The following SYNE2 variants were observed in gnomAD, a reference collection of about 807,000 sequenced individuals.
The protein encoded by SYNE2 is nesprin-2.
Under a neutral mutation model 856.3 loss-of-function variants are expected in SYNE2, and 431 were observed. That is an observed-to-expected ratio of 0.50 (90% confidence interval 0.47 to 0.55). The LOEUF (loss-of-function observed/expected upper bound fraction) is 0.55, where lower values mean the gene tolerates loss of function less well. Among genes scored for constraint, SYNE2 ranks in the 20% least tolerant of loss-of-function variants. SYNE2 has a pLI of 0.00. For missense variants in SYNE2, 8,129 were observed against 8,023.2 expected, an observed-to-expected ratio of 1.01 and a Z score of -0.50; for synonymous variants, 2,923 against 2,872.3, an observed-to-expected ratio of 1.02 and a Z score of -0.56.
At chr14:64,096,420 C>T (rs2097677611) in intron 61 of SYNE2, among the ~76,000 whole-genome samples, 1 of 152,204 alleles carries the variant, frequency 6.6e-6, no homozygotes. Flanking sequence ...ATCTGGACCT[C>T]ATGGACTGTG....
intron 31 of SYNE2, among the ~76,000 whole-genome samples, chr14:64,008,164 G>A (rs970507014): frequency 1.3e-5 from 2 of 152,158 alleles, no homozygotes; most frequent in African/African-American, 4.8e-5. Flanking sequence ...TCTGCCCTCT[G>A]TTCTGTCATC....
intron 45 of SYNE2, among the ~76,000 whole-genome samples, chr14:64,038,857 G>GGGGAGAGGGAGAGGGAGA (rs138345804): frequency 6.6e-6 from 1 of 151,458 alleles, no homozygotes; most frequent in Non-Finnish European, 1.5e-5. Flanking sequence ...GGGAGACCGT[G>GGGGAGAGGGAGAGGGAGA]GGGAGAGGGA....
intron 45 of SYNE2, among the ~76,000 whole-genome samples, chr14:64,035,213 C>T (rs1305697631): frequency 6.6e-6 from 1 of 151,834 alleles, no homozygotes; most frequent in Non-Finnish European, 1.5e-5. Flanking sequence ...GCAAAATGTG[C>T]AAAGCTCTAG....
At position 64,040,597 on chromosome 14, in the gene SYNE2, AAT is replaced by A. The variant is rs3031304; in HGVS notation, c.7222-7386_7222-7385del. Among the ~76,000 whole-genome samples, 482 of 142,516 alleles carry A rather than the reference AAT, an allele frequency of 3.4e-3. 10 individuals carry two copies. The South Asian group carries it at 0.056, about 17-fold the overall frequency. 93.5% of individuals were successfully genotyped at this position (142,516 alleles called of 152,430 possible). A position where few individuals can be genotyped will look rare whatever the true frequency, so the allele number is the denominator to read the frequency against. ...CCCCTACTGTAGAAGTGAGGTTAAA[AAT>A]ATATATATATATATATGTATATACA... On this transcript the variant is annotated intron_variant, in intron 45 of 115. Transcript: ENST00000555002.
At chr14:63,975,779 A>T (rs548857938) in intron 11 of SYNE2, among the ~76,000 whole-genome samples, 1 of 152,348 alleles carries the variant, frequency 6.6e-6, no homozygotes, top group East Asian at 1.9e-4. Flanking sequence ...AATGATGGGT[A>T]ACCATCACAT....
intron 1 of SYNE2, among the ~76,000 whole-genome samples, chr14:63,816,101 A>G (rs1393171815): frequency 6.6e-6 from 1 of 151,886 alleles, no homozygotes; most frequent in East Asian, 1.9e-4. Context: ...GGCAGGTGCC[A>G]CCACGCCCAG....
intron 98 of SYNE2, among the ~76,000 whole-genome samples, chr14:64,189,375 C>T (rs2098507166): frequency 6.6e-6 from 1 of 151,682 alleles, no homozygotes; most frequent in African/African-American, 2.4e-5. Flanking sequence ...GGGGAGAGGC[C>T]AACAGCAGTG....
intron 84 of SYNE2, among the ~76,000 whole-genome samples, chr14:64,148,811 C>T (rs1404276460): frequency 6.6e-6 from 1 of 152,064 alleles, no homozygotes; most frequent in Non-Finnish European, 1.5e-5. Context: ...CTCATCTGTC[C>T]ACGGGTCTGT....
chr14:64,114,858 C>A (rs1235882977), intron 66 of SYNE2, among the ~76,000 whole-genome samples: 2 of 152,002 alleles, frequency 1.3e-5, no homozygotes. Flanking sequence ...TGGGCTCAAG[C>A]GATCCACCCA....
At chr14:64,091,517 C>T (rs1417704608) in intron 60 of SYNE2, among the ~76,000 whole-genome samples, 1 of 152,196 alleles carries the variant, frequency 6.6e-6, no homozygotes, top group Non-Finnish European at 1.5e-5. Context: ...TGAAAGACCA[C>T]AGAGTTAACT....
rs767174141 is a variant in SYNE2 at position 64,051,634 on chromosome 14, T to C, written c.7721T>C (p.Leu2574Ser). 8.1e-6 allele frequency: 13 copies of C among 1,614,010 alleles called. No homozygotes were observed. Among genetic ancestry groups the C allele is most frequent in the Non-Finnish European group, 1.1e-5 (13 of 1,179,990 alleles). The change falls in exon 48 of 116, where the codon TTA becomes TCA. Residue 2574 changes from leucine (L) to serine (S), a missense_variant. Around this residue, in one of 3 missense-constraint regions of SYNE2, gnomAD observed 5,410 missense variants for 5,284.8 expected, o/e 1.02. Coordinates refer to ENST00000555002, the MANE Select transcript of SYNE2 (RefSeq NM_182914.3). Reference sequence around the variant, plus strand: ...TCCATAGAAAAAGAGAAAGATTCTTTAGGCAACTTGAAAATCAAATGGGAG... The same window carrying C: ...TCCATAGAAAAAGAGAAAGATTCTTCAGGCAACTTGAAAATCAAATGGGAG... Reference protein sequence around the residue: ...IASIEKEKDSLGNLKIKWENL... With the variant: ...IASIEKEKDSSGNLKIKWENL...
intron 64 of SYNE2, among the ~76,000 whole-genome samples, chr14:64,104,702 T>C (rs2097760084): frequency 6.6e-6 from 1 of 152,082 alleles, no homozygotes; most frequent in Non-Finnish European, 1.5e-5. Flanking sequence ...CCACCTGCCT[T>C]GGCCTCCCAA....
chr14:63,883,691 A>G (rs1323306662), intron 1 of SYNE2, among the ~76,000 whole-genome samples: 1 of 152,220 alleles, frequency 6.6e-6, no homozygotes, highest in African/African-American at 2.4e-5. Context: ...ATGCCTGTAA[A>G]TCAAGGCTAA....
chr14:64,186,299 A>G lies in SYNE2; in HGVS notation c.17557-125A>G. On this transcript the variant is annotated intron_variant, in intron 96 of 115. Transcript: ENST00000555002. ...TCGTCTTGGGCTGTTTCCCATTCAG[A>G]AGGTCCCTCCCTCTCTCCTGGCCTC... The G allele has an allele frequency of 1.6e-6, 2 of 1,256,566 alleles. 1 individual carries two copies. Among genetic ancestry groups the G allele is most frequent in the Admixed American group, 3.4e-5 (2 of 58,540 alleles). 77.8% of individuals were successfully genotyped at this position (1,256,566 alleles called of 1,614,324 possible).
At chr14:64,066,478 G>A (rs1229618085) in intron 51 of SYNE2, among the ~76,000 whole-genome samples, 2 of 152,148 alleles carry the variant, frequency 1.3e-5, no homozygotes, top group African/African-American at 4.8e-5. Flanking sequence ...ATTCCAGCCT[G>A]GGCAACAGAG....
At chr14:63,779,937 CG>C (rs1887248530) in intron 1 of SYNE2, among the ~76,000 whole-genome samples, 1 of 151,928 alleles carries the variant, frequency 6.6e-6, no homozygotes, top group African/African-American at 2.4e-5. Context: ...ATAAAATAAA[CG>C]GAATACAGAT....
chr14:63,970,969 T>G (rs1006972034), intron 11 of SYNE2, among the ~76,000 whole-genome samples: 3 of 151,990 alleles, frequency 2.0e-5, no homozygotes, highest in Non-Finnish European at 4.4e-5. Context: ...TCTCCCTTTT[T>G]TGCCTGGTTT....
In SYNE2 at chr14:64,119,512, A is replaced by G; in HGVS notation, c.12926A>G (p.Gln4309Arg). Reference protein sequence around the residue: ...DQGLGDNGATQHEAEALSLKL... With the variant: ...DQGLGDNGATRHEAEALSLKL... The stretch of plus-strand genomic sequence containing the variant: ...GGCCTGGGAGATAATGGAGCCACTC[A>G]ACATGAGGCTGAAGCGCTTTCCCTG... Residue 4309 changes from glutamine (Q) to arginine (R), a missense_variant, in exon 67 of 116, where the codon CAA (glutamine) becomes CGA (arginine). By Grantham distance (43) the Gln-to-Arg change is conservative. This residue lies in a region of SYNE2 where 5,410 missense variants were observed against 5,284.8 expected (regional missense o/e 1.02). Transcript: ENST00000555002. The G allele has an allele frequency of 6.2e-7, 1 of 1,614,230 alleles. No homozygotes were observed. Among genetic ancestry groups the G allele is most frequent in the Non-Finnish European group, 8.5e-7 (1 of 1,180,032 alleles).
At chr14:64,171,682 T>C (rs2098411561) in intron 94 of SYNE2, among the ~76,000 whole-genome samples, 1 of 152,156 alleles carries the variant, frequency 6.6e-6, no homozygotes. Context: ...AAGGCCAGTG[T>C]GACTGGCGCA....
Sources: allele counts gnomAD v4.1 joint callset (sites outside exome capture counted in the v4.1 genomes callset), GRCh38; gene constraint gnomAD v4.1.1; regional missense constraint gnomAD v4.1.1; transcripts MANE v1.5; gene names NCBI Gene and HGNC (gene_info 2026-07-23, HGNC 2026-07-21).